Variants in HTR1E observed in about 807,000 individuals in gnomAD.
The protein encoded by HTR1E is 5-HT-1E.
HTR1E carries 3 observed loss-of-function variants against 3.4 expected under a neutral mutation model. The observed-to-expected ratio is 0.89, with a 90% CI of 0.41 to 2.31. HTR1E has a LOEUF of 2.31. HTR1E is among the 30% of genes most tolerant of loss of function. The probability of loss-of-function intolerance (pLI) is 0.05; values close to 1 mark genes in which losing one functional copy is unlikely to be tolerated. For synonymous variants in HTR1E, 170 were observed against 182.8 expected (o/e 0.93, Z 0.56); for missense variants, 392 against 467.0 (o/e 0.84, Z 1.48).
chr6:86,988,757 G>C (rs948226173), intron 1 of HTR1E, among the ~76,000 whole-genome samples: 1 of 152,084 alleles, frequency 6.6e-6, no homozygotes, highest in Non-Finnish European at 1.5e-5. Flanking sequence ...ATAAATGTGA[G>C]AAACCACACA....
At chr6:86,998,623 A>C (rs905587502) in intron 1 of HTR1E, among the ~76,000 whole-genome samples, 1 of 152,186 alleles carries the variant, frequency 6.6e-6, no homozygotes, top group African/African-American at 2.4e-5. Context: ...TACTGACAAA[A>C]TGTTTTAAAC....
chr6:87,003,252 T>C (rs141944923), intron 1 of HTR1E, among the ~76,000 whole-genome samples: 160 of 152,174 alleles, frequency 1.1e-3, no homozygotes, highest in South Asian at 4.1e-3. Flanking sequence ...AAGAAGGAAA[T>C]TGAGGCCAGG....
intron 1 of HTR1E, among the ~76,000 whole-genome samples, chr6:86,991,243 G>A (rs943459878): frequency 3.9e-5 from 6 of 152,096 alleles, no homozygotes; most frequent in Non-Finnish European, 7.4e-5. Flanking sequence ...ACAATGTGGT[G>A]TCCTGAATTG....
chr6:87,009,937 C>T (rs1311508710), intron 1 of HTR1E, among the ~76,000 whole-genome samples: 1 of 125,778 alleles, frequency 8.0e-6, no homozygotes, highest in South Asian at 2.6e-4. Context: ...AGAGGGGCTC[C>T]TCACTTCCCA....
chr6:87,003,277 C>T (rs935459449), intron 1 of HTR1E, among the ~76,000 whole-genome samples: 5 of 152,168 alleles, frequency 3.3e-5, no homozygotes, highest in African/African-American at 1.2e-4. Flanking sequence ...GTGGCTCAAG[C>T]CTGTAATTCT....
chr6:86,952,371 A>G (rs1429674932), intron 1 of HTR1E, among the ~76,000 whole-genome samples: 1 of 152,130 alleles, frequency 6.6e-6, no homozygotes, highest in African/African-American at 2.4e-5. Context: ...AATGGTGCAA[A>G]CATAGGTGCT....
intron 1 of HTR1E, among the ~76,000 whole-genome samples, chr6:86,969,010 T>C (rs960570036): frequency 6.6e-6 from 1 of 152,292 alleles, no homozygotes; most frequent in Admixed American, 6.5e-5. Context: ...TATTAAGTGG[T>C]CCCAACTCTA....
chr6:86,972,488 T>C (rs1767574259), intron 1 of HTR1E, among the ~76,000 whole-genome samples: 1 of 152,292 alleles, frequency 6.6e-6, no homozygotes, highest in South Asian at 2.1e-4. Flanking sequence ...CCAAGTTGTA[T>C]GAAAAGCCTT....
intron 1 of HTR1E, among the ~76,000 whole-genome samples, chr6:86,961,626 G>T (rs1308176384): frequency 6.6e-6 from 1 of 152,192 alleles, no homozygotes; most frequent in Admixed American, 6.5e-5. Context: ...TGTCTCCATG[G>T]CTGTTAAGAA....
chr6:86,978,878 G>A (rs79423727), intron 1 of HTR1E, among the ~76,000 whole-genome samples: 7,279 of 152,230 alleles, frequency 0.048, 193 homozygotes, highest in Middle Eastern at 0.071. Flanking sequence ...TCCTGGCATA[G>A]AGAGAATTGG....
At chr6:86,989,490 A>G (rs373434427) in intron 1 of HTR1E, among the ~76,000 whole-genome samples, 41 of 152,350 alleles carry the variant, frequency 2.7e-4, no homozygotes, top group African/African-American at 9.1e-4. Context: ...GTATTGGAGG[A>G]TTCCTGTGAC....
rs144863248 is a variant in HTR1E, at chr6:86,952,019, G to A, written c.-186+14196G>A. Among the ~76,000 whole-genome samples, 217 of 152,264 alleles carry A rather than the reference G, an allele frequency of 1.4e-3. 1 individual carries two copies. Among genetic ancestry groups the A allele is most frequent in the African/African-American group, 4.9e-3 (204 of 41,560 alleles). ...TTAGTTGACACTCTCTTGATTACAA[G>A]TACACGATGCCTACTTTAAATTATC... On this transcript the variant is annotated intron_variant, in intron 1 of 1. Transcript: ENST00000305344.
chr6:87,016,313 G>T lies in HTR1E; in HGVS notation c.979G>T (p.Asp327Tyr). ...CTACACCGTGTCCTCGGAAGTGGCC[G>T]ACTTTCTGACGTGGCTCGGTTATGT... ...SIYTVSSEVA[D>Y]FLTWLGYVNS... Residue 327 changes from aspartate (D) to tyrosine (Y), a missense_variant, in exon 2 of 2, where the codon GAC becomes TAC. This residue lies in a region of HTR1E where 178 missense variants were observed against 164.9 expected (regional missense o/e 1.08). Transcript: ENST00000305344. 1 of 1,614,176 alleles carries T rather than the reference G, an allele frequency of 6.2e-7. No homozygotes were observed. Among genetic ancestry groups the T allele is most frequent in the Non-Finnish European group, 8.5e-7 (1 of 1,180,042 alleles).
chr6:87,008,480 C>A (rs897311490), intron 1 of HTR1E, among the ~76,000 whole-genome samples: 14 of 152,060 alleles, frequency 9.2e-5, no homozygotes, highest in African/African-American at 3.4e-4. Context: ...TGAGAACAAT[C>A]AAAGAAGAGA....
chr6:86,949,189 G>A (rs559464460), intron 1 of HTR1E, among the ~76,000 whole-genome samples: 3 of 152,218 alleles, frequency 2.0e-5, no homozygotes, highest in South Asian at 2.1e-4. Context: ...ACAGTGTAAC[G>A]AGGGAAGGTT....
intron 1 of HTR1E, among the ~76,000 whole-genome samples, chr6:86,984,818 A>C (rs1767761302): frequency 6.6e-6 from 1 of 152,210 alleles, no homozygotes; most frequent in African/African-American, 2.4e-5. Context: ...TGTGGCCCAG[A>C]GGTAACACAC....
chr6:87,012,747 A>G (rs971184960), intron 1 of HTR1E, among the ~76,000 whole-genome samples: 1 of 152,206 alleles, frequency 6.6e-6, no homozygotes, highest in African/African-American at 2.4e-5. Flanking sequence ...CTCAGCTTCT[A>G]CGTGTATTAA....
At chr6:86,986,502 CA>C (rs370344608) in intron 1 of HTR1E, among the ~76,000 whole-genome samples, 33 of 152,218 alleles carry the variant, frequency 2.2e-4, no homozygotes, top group African/African-American at 7.0e-4. Context: ...TTCTGACATT[CA>C]GATATCAATG....
intron 1 of HTR1E, among the ~76,000 whole-genome samples, chr6:87,013,743 A>G (rs903002630): frequency 6.6e-6 from 1 of 152,296 alleles, no homozygotes; most frequent in African/African-American, 2.4e-5. Flanking sequence ...GTGGCAAAGT[A>G]CATTTAAAAT....
Sources: allele counts gnomAD v4.1 joint callset (sites outside exome capture counted in the v4.1 genomes callset), GRCh38; gene constraint gnomAD v4.1.1; regional missense constraint gnomAD v4.1.1; transcripts MANE v1.5; gene names NCBI Gene and HGNC (gene_info 2026-07-23, HGNC 2026-07-21).